The following PRKAG2 variants were observed in gnomAD, a reference collection of about 807,000 sequenced individuals.
PRKAG2 encodes 5'-AMP-activated protein kinase subunit gamma-2.
PRKAG2 carries 26 observed loss-of-function variants against 69.6 expected under a neutral mutation model. The observed-to-expected ratio is 0.37, with a 90% confidence interval of 0.27 to 0.52. PRKAG2 has a LOEUF of 0.52. Ranked by LOEUF, PRKAG2 falls within the 20% of genes least tolerant of loss-of-function variation. The pLI, the probability that PRKAG2 is intolerant of heterozygous loss-of-function variation, is 0.90. For synonymous variants in PRKAG2, 293 were observed against 285.0 expected (o/e 1.03, Z -0.28); for missense variants, 557 against 740.0 (o/e 0.75, Z 2.87).
chr7:151,592,365 G>C (rs555187725), intron 6 of PRKAG2, among the ~76,000 whole-genome samples: 2 of 152,306 alleles, frequency 1.3e-5, no homozygotes, highest in East Asian at 3.9e-4. Context: ...TGGATCCCCA[G>C]GGTGATTCCA....
chr7:151,574,093 G>A (rs1165472862), intron 8 of PRKAG2, among the ~76,000 whole-genome samples: 1 of 152,152 alleles, frequency 6.6e-6, no homozygotes, highest in Non-Finnish European at 1.5e-5. Context: ...CATGTTTTAT[G>A]AAGAAACTCA....
chr7:151,876,406 C>T, intron 1 of PRKAG2, 101 bp downstream of exon 1: 1 of 1,172,654 alleles, frequency 8.5e-7, no homozygotes, highest in Non-Finnish European at 1.3e-6. Context: ...ACAGGAGGGG[C>T]ACGCACGGCG....
rs1160488617 is a variant in PRKAG2, at chr7:151,655,009, G to A, written c.684+20411C>T. Among the ~76,000 whole-genome samples the A allele has an allele frequency of 1.4e-4, 22 of 152,242 alleles. 1 individual carries two copies. In the South Asian group the frequency reaches 4.4e-3, roughly 30 times the overall value. ...TGCCCGGCTGGGATACGTTGTTGTT[G>A]AATTCACTCTTGAAAATGAAATATT... On this transcript the variant is annotated intron_variant, in intron 4 of 15. Transcript: ENST00000287878.
intron 4 of PRKAG2, among the ~76,000 whole-genome samples, chr7:151,639,664 G>A (rs2151359831): frequency 6.6e-6 from 1 of 152,330 alleles, no homozygotes. Flanking sequence ...TTGACACTGG[G>A]ACTTAACAGC....
At chr7:151,855,911 A>C (rs1586731507) in intron 1 of PRKAG2, among the ~76,000 whole-genome samples, 1 of 152,368 alleles carries the variant, frequency 6.6e-6, no homozygotes, top group African/African-American at 2.4e-5. Context: ...GGATGCTTGC[A>C]ATGCAGTTAC....
In PRKAG2 at chr7:151,876,859, C is replaced by A. The variant is rs2080417875; in HGVS notation, c.-239G>T. 1.2e-5 allele frequency: 7 copies of A among 578,312 alleles called. No individual in the cohort carries two copies. In the South Asian group the frequency reaches 1.4e-4, roughly 11 times the overall value. The allele number at this position is 578,312 out of a possible 1,614,324, so 35.8% of individuals were successfully genotyped here. On this transcript the variant is annotated 5_prime_UTR_variant, in exon 1 of 16. Transcript: ENST00000287878. ...CCTCGTAGGCAAATCAGTCAAAGCC[C>A]GTCCCGGTTCTGGTGTCTCCCCGGG... is the stretch of plus-strand genomic sequence containing the variant.
At chr7:151,811,498 A>G (rs547158164) in intron 1 of PRKAG2, among the ~76,000 whole-genome samples, 21 of 152,334 alleles carry the variant, frequency 1.4e-4, no homozygotes, top group East Asian at 1.2e-3. Context: ...CTCTTAACTC[A>G]TAATTCAGTA....
chr7:151,675,350 T>C (rs1237440358), intron 4 of PRKAG2, 70 bp downstream of exon 4: 8 of 1,451,884 alleles, frequency 5.5e-6, no homozygotes, highest in Non-Finnish European at 7.7e-6. Context: ...ACTGCTCAGC[T>C]TGGGGCAATA....
At chr7:151,723,435 G>A (rs1797438831) in intron 3 of PRKAG2, among the ~76,000 whole-genome samples, 1 of 152,198 alleles carries the variant, frequency 6.6e-6, no homozygotes, top group Non-Finnish European at 1.5e-5. Context: ...TTAGAATGTA[G>A]TAGGCTTCCC....
intron 5 of PRKAG2, among the ~76,000 whole-genome samples, chr7:151,626,682 AG>A (rs1200596331): frequency 2.6e-5 from 4 of 152,142 alleles, no homozygotes; most frequent in African/African-American, 7.3e-5. Flanking sequence ...GTGAGAGTCA[AG>A]GGACAAGGGA....
Position 151,786,494 on chromosome 7 carries a change from A to G in PRKAG2, c.162T>C (p.Gly54=), listed in dbSNP as rs2151816271. 6.2e-7 allele frequency: 1 copy of G among 1,612,462 alleles called. No homozygotes were observed. Among genetic ancestry groups the G allele is most frequent in the Non-Finnish European group, 8.5e-7 (1 of 1,179,554 alleles). Residue 54 remains glycine, a synonymous_variant, in exon 2 of 16, where the codon GGT becomes GGC. Coordinates refer to ENST00000287878, the MANE Select transcript of PRKAG2 (RefSeq NM_016203.4). ...CCTTTCGAGAGGAATGCTTTCCGGAACCCTCCAGGTCTCCGTCCAGGAGCG... is the reference window on the plus strand; with the variant it reads ...CCTTTCGAGAGGAATGCTTTCCGGAGCCCTCCAGGTCTCCGTCCAGGAGCG... The part of the protein sequence containing the change: ...AMPLLDGDLE[G]SGKHSSRKVD...
At chr7:151,597,770 A>G (rs1814921056) in intron 5 of PRKAG2, among the ~76,000 whole-genome samples, 1 of 151,966 alleles carries the variant, frequency 6.6e-6, no homozygotes, top group South Asian at 2.1e-4. Context: ...TTATAAACAA[A>G]ACAAAACAAA....
At chr7:151,866,651 T>C (rs926510845) in intron 1 of PRKAG2, among the ~76,000 whole-genome samples, 1 of 152,142 alleles carries the variant, frequency 6.6e-6, no homozygotes, top group African/African-American at 2.4e-5. Context: ...TATTACAACA[T>C]ATGCTATAGA....
At chr7:151,676,476 C>T (rs922076286) in intron 3 of PRKAG2, among the ~76,000 whole-genome samples, 5 of 152,046 alleles carry the variant, frequency 3.3e-5, no homozygotes, top group Admixed American at 1.3e-4. Flanking sequence ...GGAGGGGCAA[C>T]GGTGTTAGTG....
intron 5 of PRKAG2, among the ~76,000 whole-genome samples, chr7:151,609,175 C>T (rs1368635609): frequency 6.6e-6 from 1 of 152,158 alleles, no homozygotes; most frequent in Non-Finnish European, 1.5e-5. Flanking sequence ...GTTCATTCTA[C>T]CATACACATT....
intron 1 of PRKAG2, among the ~76,000 whole-genome samples, chr7:151,838,706 CAAAAA>C (rs57382424): frequency 1.1e-5 from 1 of 92,200 alleles, no homozygotes; most frequent in Non-Finnish European, 2.3e-5. Flanking sequence ...GACCCTGTTT[CAAAAA>C]AAAAAAAAAA....
intron 3 of PRKAG2, among the ~76,000 whole-genome samples, chr7:151,769,746 G>C (rs1383388681): frequency 6.6e-6 from 1 of 152,188 alleles, no homozygotes; most frequent in Non-Finnish European, 1.5e-5. Context: ...CATCTGGGGA[G>C]GTGTGGCGGA....
intron 3 of PRKAG2, chr7:151,735,920 G>T: frequency 6.5e-7 from 1 of 1,536,292 alleles, no homozygotes; most frequent in Non-Finnish European, 8.7e-7. Flanking sequence ...ATGAGGCTCC[G>T]ACTGGCGCCT....
chr7:151,778,223 C>T (rs969550455), intron 3 of PRKAG2, among the ~76,000 whole-genome samples: 3 of 152,162 alleles, frequency 2.0e-5, no homozygotes, highest in Admixed American at 2.0e-4. Context: ...AAACCCTAAG[C>T]TCTGAGCCTT....
Sources: gnomAD v4.1 joint callset for allele counts (sites outside exome capture counted in the v4.1 genomes callset) on GRCh38, gnomAD v4.1.1 for gene constraint, MANE v1.5 for transcripts, NCBI Gene and HGNC (gene_info 2026-07-23, HGNC 2026-07-21) for gene names.